Variants in ZBTB7B observed in about 807,000 individuals in gnomAD.
The protein encoded by ZBTB7B is zinc finger and BTB domain-containing protein 7B.
In ZBTB7B, 8 loss-of-function variants were observed where a neutral mutation model predicts 31.0. The observed-to-expected ratio is 0.26, with a 90% CI of 0.15 to 0.47. The LOEUF is 0.47. Ranked by LOEUF, ZBTB7B falls within the 20% of genes least tolerant of loss-of-function variation. The probability of loss-of-function intolerance (pLI) is 0.99; values close to 1 mark genes in which losing one functional copy is unlikely to be tolerated. For synonymous variants in ZBTB7B, 261 were observed against 307.3 expected (o/e 0.85, Z 1.58); for missense variants, 494 against 742.4 (o/e 0.67, Z 3.89).
rs1433086574 is a variant in ZBTB7B, at chr1:155,017,558, ACCGCTGCCGCCCCTGACTCACGCCGCCC to A, written c.*877_*904del. On this transcript the variant is annotated 3_prime_UTR_variant, in exon 3 of 3. Transcript: ENST00000535420. ...CCAGGTGCGAGCCGGAGCCGCCGCC[ACCGCTGCCGCCCCTGACTCACGCCGCCC>A]CCGGGCTGGCGCAGCGAAGGGTGTG... The A allele has an allele frequency of 1.3e-5, 2 of 154,856 alleles. No individual in the cohort carries two copies. Among genetic ancestry groups the A allele is most frequent in the Middle Eastern group, 3.0e-3 (1 of 330 alleles). 9.6% of individuals were successfully genotyped at this position (154,856 alleles called of 1,614,324 possible). A position where few individuals can be genotyped will look rare whatever the true frequency, so the allele number is the denominator to read the frequency against.
rs559100631 is a variant in ZBTB7B at position 155,010,649 on chromosome 1, C to T, written c.-6-4006C>T. Among the ~76,000 whole-genome samples, 180 of 152,194 alleles carry T rather than the reference C, an allele frequency of 1.2e-3. 1 individual carries two copies. Among genetic ancestry groups the T allele is most frequent in the Middle Eastern group, 3.4e-3 (1 of 294 alleles). On this transcript the variant is annotated intron_variant, in intron 1 of 2. Transcript: ENST00000535420. ...CCTGGGCCCCAGAGGCCCTGGGAAG[C>T]GGTGGGGGAAGCTGGAGAACAAGGA...
In ZBTB7B at chr1:155,015,455, G is replaced by T. The variant is rs759590342; in HGVS notation, c.795G>T (p.Glu265Asp). ...SPPTGTASPPEGPQSYEPYEG... is the reference protein window; with the variant it reads ...SPPTGTASPPDGPQSYEPYEG... The stretch of plus-strand genomic sequence containing the variant: ...CCACAGGAACTGCCTCCCCTCCTGA[G>T]GGTCCCCAGAGCTACGAACCCTATG... The change falls in exon 2 of 3, where the codon GAG (glutamate) becomes GAT (aspartate). Residue 265 changes from glutamate to aspartate, a missense_variant. Physicochemically the swap from Glu to Asp is conservative, Grantham distance 45. Coordinates refer to ENST00000535420, the MANE Select transcript of ZBTB7B (RefSeq NM_001256455.2). The T allele has an allele frequency of 8.2e-6, 13 of 1,589,810 alleles. No individual in the cohort carries two copies. The East Asian group carries it at 2.9e-4, about 36-fold the overall frequency.
At chr1:155,009,204 A>G (rs1658773966) in intron 1 of ZBTB7B, among the ~76,000 whole-genome samples, 1 of 151,926 alleles carries the variant, frequency 6.6e-6, no homozygotes, top group Non-Finnish European at 1.5e-5. Context: ...AGAGGGGCCT[A>G]TAGGGACTGA....
At position 155,014,893 on chromosome 1, in the gene ZBTB7B, G is replaced by T; in HGVS notation, c.233G>T (p.Gly78Val). ...GGAVMGAGGS[G>V]TATGGAGAGV... ...GCTGTCATGGGGGCCGGGGGTAGCG[G>T]GACGGCCACTGGGGGAGCAGGGGCC... is the stretch of plus-strand genomic sequence containing the variant. The change falls in exon 2 of 3, where the codon GGG becomes GTG. Residue 78 changes from glycine to valine, a missense_variant. Physicochemically the swap from Gly to Val is moderately radical, Grantham distance 109 (BLOSUM62 -3). Transcript: ENST00000535420. The T allele has an allele frequency of 6.2e-7, 1 of 1,614,024 alleles. No homozygotes were observed. Among genetic ancestry groups the T allele is most frequent in the Non-Finnish European group, 8.5e-7 (1 of 1,179,994 alleles).
In ZBTB7B at chr1:155,014,795, C is replaced by T. The variant is rs755371788; in HGVS notation, c.135C>T (p.Tyr45=). ...DLTIRTQGLE[Y]RTHRAVLAAC... ...CCATCCGGACGCAGGGCCTTGAATA[C>T]CGCACCCACAGGGCTGTGCTAGCTG... The change falls in exon 2 of 3, where the codon TAC becomes TAT. Residue 45 remains tyrosine, a synonymous_variant. Transcript: ENST00000535420. 1.2e-6 allele frequency: 2 copies of T among 1,614,248 alleles called. No homozygotes were observed. The highest frequency in any genetic ancestry group is 1.7e-6 in the Non-Finnish European group (2 of 1,180,042).
Position 155,015,865 on chromosome 1 carries a change from G to C in ZBTB7B, c.1154+51G>C, listed in dbSNP as rs539647562. The stretch of plus-strand genomic sequence containing the variant: ...GGCAGGGGCCATGGGTAGGGGACAG[G>C]GTGGGAGGAGATGGGGAAGAAGTTA... On this transcript the variant is annotated intron_variant, in intron 2 of 2. Coordinates refer to ENST00000535420, the MANE Select transcript of ZBTB7B (RefSeq NM_001256455.2). 35 of 1,570,616 alleles carry C rather than the reference G, an allele frequency of 2.2e-5. No homozygotes were observed. The African/African-American group carries it at 4.3e-4, about 19-fold the overall frequency.
At chr1:155,014,541 G>GTCATCCCTCAAT in intron 1 of ZBTB7B, 114 bp from the exon 2 acceptor site, 2 of 899,610 alleles carry the variant, frequency 2.2e-6, no homozygotes, top group Non-Finnish European at 3.4e-6. Flanking sequence ...AAAGTACTCA[G>GTCATCCCTCAAT]AAGGGTGACT....
chr1:155,008,245 CTGGTTGGCAG>C (rs1658687389), intron 1 of ZBTB7B, among the ~76,000 whole-genome samples: 1 of 152,174 alleles, frequency 6.6e-6, no homozygotes, highest in Non-Finnish European at 1.5e-5. Context: ...GCCCCCTGGC[CTGGTTGGCAG>C]GGGTTGGCAC....
intron 1 of ZBTB7B, among the ~76,000 whole-genome samples, chr1:155,012,210 G>A (rs925205743): frequency 1.3e-5 from 2 of 151,956 alleles, no homozygotes; most frequent in African/African-American, 4.8e-5. Flanking sequence ...AGTTGCCACG[G>A]AGACCGGCCC....
chr1:155,010,798 C>A, intron 1 of ZBTB7B: 1 of 819,168 alleles, frequency 1.2e-6, no homozygotes, highest in Non-Finnish European at 1.9e-6. Context: ...GAACCTGAGG[C>A]TGGAGTTGGG....
Position 155,014,810 on chromosome 1 carries a change from T to C in ZBTB7B, c.150T>C (p.Ala50=), listed in dbSNP as rs756334140. ...TQGLEYRTHR[A]VLAACSHYFK... ...GCCTTGAATACCGCACCCACAGGGC[T>C]GTGCTAGCTGCCTGTAGCCACTACT... The change falls in exon 2 of 3, where the codon GCT becomes GCC. Residue 50 remains alanine (A), a synonymous_variant. Transcript: ENST00000535420. 1 of 1,614,216 alleles carries C rather than the reference T, an allele frequency of 6.2e-7. No individual in the cohort carries two copies. The highest frequency in any genetic ancestry group is 8.5e-7 in the Non-Finnish European group (1 of 1,180,036).
At position 155,018,254 on chromosome 1, in the gene ZBTB7B, T is replaced by G; in HGVS notation, c.*1569T>G. On this transcript the variant is annotated 3_prime_UTR_variant, in exon 3 of 3. Coordinates refer to ENST00000535420, the MANE Select transcript of ZBTB7B (RefSeq NM_001256455.2). ...TCCCTGTTATCTATTTAAAAAGTGA[T>G]GATGTAATATATTGGGGTGGCGGGG... is the stretch of plus-strand genomic sequence containing the variant. The G allele has an allele frequency of 4.8e-6, 2 of 414,142 alleles. No individual in the cohort carries two copies. Among genetic ancestry groups the G allele is most frequent in the Non-Finnish European group, 8.9e-6 (2 of 225,970 alleles). 25.7% of individuals were successfully genotyped at this position (414,142 alleles called of 1,614,324 possible). A position where few individuals can be genotyped will look rare whatever the true frequency, so the allele number is the denominator to read the frequency against.
Position 155,014,928 on chromosome 1 carries a change from G to A in ZBTB7B, c.268G>A (p.Glu90Lys), listed in dbSNP as rs747899975. The A allele has an allele frequency of 1.2e-6, 2 of 1,613,978 alleles. No homozygotes were observed. Among genetic ancestry groups the A allele is most frequent in the Non-Finnish European group, 1.7e-6 (2 of 1,179,994 alleles). ...TGGGGGAGCAGGGGCCGGTGTGTGT[G>A]AGCTGGACTTTGTAGGGCCAGAGGC... ...ATGGAGAGVCELDFVGPEALG... is the reference protein window; with the variant it reads ...ATGGAGAGVCKLDFVGPEALG... Residue 90 changes from glutamate to lysine, a missense_variant, in exon 2 of 3, where the codon GAG (glutamate) becomes AAG (lysine). By Grantham distance (56) the Glu-to-Lys change is moderately conservative. Transcript: ENST00000535420.
chr1:155,009,463 C>A (rs537336294), intron 1 of ZBTB7B, among the ~76,000 whole-genome samples: 1 of 152,258 alleles, frequency 6.6e-6, no homozygotes, highest in South Asian at 2.1e-4. Context: ...ACTGTCCAGG[C>A]AGACCCTGCT....
chr1:155,017,360 G>C lies in ZBTB7B; in HGVS notation c.*675G>C, dbSNP rs1009430618. Reference sequence around the variant, plus strand: ...CTCGCCTGCCCCTGGGGGCAGTAGAGGGGCCCCGCCCAGCTAGGGGAGCCG... The same window carrying C: ...CTCGCCTGCCCCTGGGGGCAGTAGACGGGCCCCGCCCAGCTAGGGGAGCCG... On this transcript the variant is annotated 3_prime_UTR_variant, in exon 3 of 3. Transcript: ENST00000535420. The C allele has an allele frequency of 2.0e-5, 3 of 152,436 alleles. No individual in the cohort carries two copies. Among genetic ancestry groups the C allele is most frequent in the South Asian group, 2.1e-4 (1 of 4,842 alleles). 9.4% of individuals were successfully genotyped at this position (152,436 alleles called of 1,614,324 possible). A position where few individuals can be genotyped will look rare whatever the true frequency, so the allele number is the denominator to read the frequency against.
chr1:155,014,550 C>T, intron 1 of ZBTB7B, 105 bp from the exon 2 acceptor site: 3 of 979,382 alleles, frequency 3.1e-6, no homozygotes, highest in Non-Finnish European at 4.6e-6. Context: ...AGAAGGGTGA[C>T]TGGCATGCAG....
In ZBTB7B at chr1:155,003,925, G is replaced by A. The variant is rs1382979741; in HGVS notation, c.-7+982G>A. Among the ~76,000 whole-genome samples, 1 of 152,166 alleles carries A rather than the reference G, an allele frequency of 6.6e-6. No individual in the cohort carries two copies. Among genetic ancestry groups the A allele is most frequent in the African/African-American group, 2.4e-5 (1 of 41,440 alleles). On this transcript the variant is annotated intron_variant, in intron 1 of 2. Coordinates refer to ENST00000535420, the MANE Select transcript of ZBTB7B (RefSeq NM_001256455.2). The surrounding 1 kb of genome is among the most constrained non-coding windows in gnomAD (Gnocchi z 5.8). ...GAGTGGGGGGGCGGCGTGGGCAGCG[G>A]GTTGTGCCCGGACACGTGCCTGCCC...
intron 1 of ZBTB7B, among the ~76,000 whole-genome samples, chr1:155,011,693 C>T (rs879827082): frequency 6.6e-6 from 1 of 152,222 alleles, no homozygotes; most frequent in African/African-American, 2.4e-5. Context: ...CCCACAAGGT[C>T]TTAGCAAGAG....
chr1:155,005,859 C>T (rs568850367), intron 1 of ZBTB7B, among the ~76,000 whole-genome samples: 8 of 152,320 alleles, frequency 5.3e-5, no homozygotes, highest in South Asian at 2.1e-4. Flanking sequence ...CCCTCCCCCC[C>T]ACTCTTGCCA....
Sources: gnomAD v4.1 joint callset for allele counts (sites outside exome capture counted in the v4.1 genomes callset) on GRCh38, gnomAD v4.1.1 for gene constraint, Gnocchi (gnomAD v3.1) non-coding constraint, MANE v1.5 for transcripts, NCBI Gene and HGNC (gene_info 2026-07-23, HGNC 2026-07-21) for gene names.